The following AGBL1 variants were observed in gnomAD, a reference collection of about 807,000 sequenced individuals.
AGBL1 encodes the protein cytosolic carboxypeptidase 4.
AGBL1 carries 130 observed loss-of-function variants against 118.9 expected under a neutral mutation model. That is an observed-to-expected ratio of 1.09 (90% CI 0.95 to 1.26). The LOEUF (loss-of-function observed/expected upper bound fraction) is 1.26. AGBL1 is among the 50% of genes most tolerant of loss of function. The pLI is 0.00. For missense variants in AGBL1, 1,584 were observed against 1,298.1 expected (o/e 1.22, Z -3.38); for synonymous variants, 555 against 478.9 (o/e 1.16, Z -2.08).
intron 22 of AGBL1, among the ~76,000 whole-genome samples, chr15:86,868,729 T>C (rs1427488066): frequency 6.6e-6 from 1 of 152,228 alleles, no homozygotes; most frequent in Non-Finnish European, 1.5e-5. Flanking sequence ...GTCTGGTTTA[T>C]ATCTGGGCTT....
Position 86,218,391 on chromosome 15 carries a change from G to A in AGBL1, c.489-6523G>A, listed in dbSNP as rs532922467. 3.9e-5 allele frequency among the ~76,000 whole-genome samples: 6 copies of A among 152,140 alleles called. No individual in the cohort carries two copies. In the South Asian group the frequency reaches 1.0e-3, roughly 26 times the overall value. On this transcript the variant is annotated intron_variant, in intron 5 of 22. Transcript: ENST00000614907. ...TTGGTGAAGTGAATGTTAGGTTGCTGGTATCTGGATGCTAAACATTGCAAG... is the reference window on the plus strand; with the variant it reads ...TTGGTGAAGTGAATGTTAGGTTGCTAGTATCTGGATGCTAAACATTGCAAG...
intron 22 of AGBL1, among the ~76,000 whole-genome samples, chr15:86,710,107 A>G (rs2086529047): frequency 6.6e-6 from 1 of 152,198 alleles, no homozygotes; most frequent in African/African-American, 2.4e-5. Flanking sequence ...TACTAAATAG[A>G]AGGATTGTAT....
intron 17 of AGBL1, among the ~76,000 whole-genome samples, chr15:86,329,615 C>T (rs2080239747): frequency 6.6e-6 from 1 of 151,534 alleles, no homozygotes; most frequent in African/African-American, 2.4e-5. Context: ...AGCCGCCTCA[C>T]TATTCCTGGA....
At chr15:86,931,292 C>T (rs961373257) in intron 23 of AGBL1, among the ~76,000 whole-genome samples, 7 of 152,156 alleles carry the variant, frequency 4.6e-5, no homozygotes, top group African/African-American at 1.2e-4. Flanking sequence ...CTGTAACTTC[C>T]GCTTCCCTGA....
intron 5 of AGBL1, among the ~76,000 whole-genome samples, chr15:86,224,193 C>G (rs115959652): frequency 0.017 from 2,582 of 152,268 alleles, 80 homozygotes; most frequent in African/African-American, 0.059. Context: ...CTACACTGCC[C>G]TCAATGCCAG....
At chr15:86,591,189 C>T (rs138458269) in intron 21 of AGBL1, among the ~76,000 whole-genome samples, 1 of 152,150 alleles carries the variant, frequency 6.6e-6, no homozygotes, top group Middle Eastern at 3.4e-3. Context: ...GGTAAGTGTA[C>T]CTCTGAGGAG....
chr15:86,690,737 G>T (rs2086150276), intron 22 of AGBL1, among the ~76,000 whole-genome samples: 1 of 152,090 alleles, frequency 6.6e-6, no homozygotes, highest in Non-Finnish European at 1.5e-5. Flanking sequence ...AGAAAATTAT[G>T]CTTCATTCCT....
intron 17 of AGBL1, among the ~76,000 whole-genome samples, chr15:86,343,628 G>C (rs1434648596): frequency 6.6e-6 from 1 of 152,126 alleles, no homozygotes; most frequent in African/African-American, 2.4e-5. Flanking sequence ...TGGATTAAAG[G>C]GGCCGTGATA....
chr15:86,420,984 T>C (rs953620321), intron 18 of AGBL1, among the ~76,000 whole-genome samples: 1 of 152,186 alleles, frequency 6.6e-6, no homozygotes, highest in Non-Finnish European at 1.5e-5. Flanking sequence ...CTATGTTTGA[T>C]TGGTGTACCT....
chr15:86,170,784 TG>T (rs976425661), intron 5 of AGBL1, among the ~76,000 whole-genome samples: 1 of 151,094 alleles, frequency 6.6e-6, no homozygotes, highest in African/African-American at 2.4e-5. Context: ...GGATGAATGT[TG>T]CAGTGAGCCG....
At chr15:86,992,814 T>C (rs899754586) in intron 24 of AGBL1, among the ~76,000 whole-genome samples, 2 of 152,122 alleles carry the variant, frequency 1.3e-5, no homozygotes, top group Admixed American at 6.6e-5. Context: ...AATGGCTATC[T>C]GGTGCATACT....
In AGBL1 at chr15:86,827,491, A is replaced by G. The variant is rs1364651378; in HGVS notation, c.3159-79596A>G. Among the ~76,000 whole-genome samples, 43 of 29,726 alleles carry G rather than the reference A, an allele frequency of 1.4e-3. 18 individuals are homozygous for G. The highest frequency in any genetic ancestry group is 2.3e-3 in the Non-Finnish European group (38 of 16,694). 19.5% of individuals were successfully genotyped at this position (29,726 alleles called of 152,430 possible). A position where few individuals can be genotyped will look rare whatever the true frequency, so the allele number is the denominator to read the frequency against. ...TATACATATATATATATATGTGTGT[A>G]TATATATATATATATATATATATAT... On this transcript the variant is annotated intron_variant, in intron 22 of 22. Transcript: ENST00000614907.
At chr15:86,428,062 C>T (rs2081888907) in intron 18 of AGBL1, among the ~76,000 whole-genome samples, 1 of 152,092 alleles carries the variant, frequency 6.6e-6, no homozygotes, top group African/African-American at 2.4e-5. Context: ...ATGGGTTTAG[C>T]CCATGGATGG....
chr15:86,293,851 A>AACCCT, intron 16 of AGBL1, among the ~76,000 whole-genome samples: 1 of 152,240 alleles, frequency 6.6e-6, no homozygotes, highest in African/African-American at 2.4e-5. Flanking sequence ...TTTGTCAAGA[A>AACCCT]ACAAGGTGGG....
At chr15:86,789,827 C>A (rs2078465848) in intron 22 of AGBL1, among the ~76,000 whole-genome samples, 1 of 152,114 alleles carries the variant, frequency 6.6e-6, no homozygotes, top group Non-Finnish European at 1.5e-5. Flanking sequence ...CTGGGGCTAG[C>A]CCTGGTAAGT....
At chr15:86,786,235 T>A (rs375851967) in intron 22 of AGBL1, among the ~76,000 whole-genome samples, 1 of 152,074 alleles carries the variant, frequency 6.6e-6, no homozygotes, top group Non-Finnish European at 1.5e-5. Context: ...TAGGTATATC[T>A]CCTAAAGCTA....
chr15:86,680,901 G>A (rs1391946022), intron 22 of AGBL1, among the ~76,000 whole-genome samples: 1 of 151,942 alleles, frequency 6.6e-6, no homozygotes, highest in African/African-American at 2.4e-5. Context: ...AGTTGTAGTA[G>A]TTTCTCTGTG....
chr15:86,329,371 C>G (rs191577278), intron 17 of AGBL1, among the ~76,000 whole-genome samples: 2 of 152,084 alleles, frequency 1.3e-5, no homozygotes, highest in African/African-American at 4.8e-5. Flanking sequence ...TGGAGCACTT[C>G]CTCACCAGGA....
chr15:86,933,473 C>A (rs1171612820), intron 23 of AGBL1, among the ~76,000 whole-genome samples: 1 of 152,108 alleles, frequency 6.6e-6, no homozygotes, highest in Non-Finnish European at 1.5e-5. Flanking sequence ...GTGACTTCCC[C>A]AATTGCTCTC....
Sources: allele counts gnomAD v4.1 joint callset (sites outside exome capture counted in the v4.1 genomes callset), GRCh38; gene constraint gnomAD v4.1.1; transcripts MANE v1.5; gene names NCBI Gene and HGNC (gene_info 2026-07-23, HGNC 2026-07-21).